Variants in RCHY1 observed in about 807,000 individuals in gnomAD.
RCHY1 encodes the protein RING finger and CHY zinc finger domain-containing protein 1.
Under a neutral mutation model 41.6 loss-of-function variants are expected in RCHY1, and 21 were observed. That is an observed-to-expected ratio of 0.51 (90% CI 0.36 to 0.73). The LOEUF is 0.73. Among genes scored for constraint, RCHY1 ranks in the 30% least tolerant of loss-of-function variants. The pLI is 0.00. For missense variants in RCHY1, 265 were observed against 325.3 expected, an observed-to-expected ratio of 0.81 and a Z score of 1.43; for synonymous variants, 79 against 102.9, an observed-to-expected ratio of 0.77 and a Z score of 1.41.
chr4:75,487,592 A>AATATATATATTCATATATATTCATAAT (rs374406012), intron 8 of RCHY1, among the ~76,000 whole-genome samples: 1 of 55,560 alleles, frequency 1.8e-5, no homozygotes, highest in East Asian at 4.7e-4. Flanking sequence ...ATATATTCAT[A>AATATATATATTCATATATATTCATAAT]ATATATATTC....
Position 75,514,319 on chromosome 4 carries a change from T to A in RCHY1, c.-33A>T. The A allele has an allele frequency of 6.3e-7, 1 of 1,597,054 alleles. No individual in the cohort carries two copies. The highest frequency in any genetic ancestry group is 8.6e-7 in the Non-Finnish European group (1 of 1,167,238). On this transcript the variant is annotated 5_prime_UTR_variant, in exon 1 of 9. In the 5' UTR this introduces an upstream ATG that the reference lacks. Coordinates refer to ENST00000324439, the MANE Select transcript of RCHY1 (RefSeq NM_015436.4). ...ACCTCCCCTCACATTCCACCGATCC[T>A]TCCCCCAGGATAAAAACCACGCCCA...
chr4:75,509,410 A>AAT (rs1392939542), intron 1 of RCHY1, 114 bp from the exon 2 acceptor site: 5 of 902,030 alleles, frequency 5.5e-6, no homozygotes, highest in Non-Finnish European at 8.4e-6. Context: ...GATTACAACC[A>AAT]ATAGATCAGT....
chr4:75,486,078 TCTTAG>T (rs1201244932), intron 8 of RCHY1, among the ~76,000 whole-genome samples: 1 of 152,160 alleles, frequency 6.6e-6, no homozygotes, highest in African/African-American at 2.4e-5. Context: ...TTCTTCCCTG[TCTTAG>T]CTTTGCCTCC....
At chr4:75,509,551 C>T in intron 1 of RCHY1, 1 of 348,946 alleles carries the variant, frequency 2.9e-6, no homozygotes, top group Non-Finnish European at 5.3e-6. Context: ...TGAAGGAAAT[C>T]CCTAGATTGA....
At position 75,509,297 on chromosome 4, in the gene RCHY1, C is replaced by A. The variant is rs1403386813; in HGVS notation, c.91-1G>T. 1.2e-6 allele frequency: 2 copies of A among 1,609,974 alleles called. No homozygotes were observed. Among genetic ancestry groups the A allele is most frequent in the Admixed American group, 3.4e-5 (2 of 58,824 alleles). On this transcript the variant is annotated splice_acceptor_variant, in intron 1 of 8. Coordinates refer to ENST00000324439, the MANE Select transcript of RCHY1 (RefSeq NM_015436.4). LOFTEE classifies it high-confidence loss of function. ...TATAAAGCTTGTCACAGCAAGGTGC[C>A]TAACACCCACGGAGAAAAAAGAGAT... is the stretch of plus-strand genomic sequence containing the variant.
rs1469200284 is a variant in RCHY1 at position 75,487,654 on chromosome 4, TAATA to T, written c.657+2923_657+2926del. On this transcript the variant is annotated intron_variant, in intron 8 of 8. Coordinates refer to ENST00000324439, the MANE Select transcript of RCHY1 (RefSeq NM_015436.4). Reference sequence around the variant, plus strand: ...TAATATATATATTCATATATATTCATAATATATATATTCATATATATTCATAATA... The same window carrying T: ...TAATATATATATTCATATATATTCATTATATATTCATATATATTCATAATA... Among the ~76,000 whole-genome samples, 2 of 53,168 alleles carry T rather than the reference TAATA, an allele frequency of 3.8e-5. 1 individual carries two copies. Among genetic ancestry groups the T allele is most frequent in the African/African-American group, 2.1e-4 (2 of 9,514 alleles). 34.9% of individuals were successfully genotyped at this position (53,168 alleles called of 152,430 possible).
At chr4:75,512,243 C>T (rs981736730) in intron 1 of RCHY1, among the ~76,000 whole-genome samples, 11 of 152,178 alleles carry the variant, frequency 7.2e-5, no homozygotes, top group Non-Finnish European at 1.5e-4. Flanking sequence ...ATGATCATTT[C>T]ACTTCTTCTC....
chr4:75,486,556 C>T (rs1365403155), intron 8 of RCHY1, among the ~76,000 whole-genome samples: 2 of 151,876 alleles, frequency 1.3e-5, no homozygotes, highest in African/African-American at 4.8e-5. Context: ...AAAATTACTT[C>T]CTAGGGTTTT....
intron 1 of RCHY1, among the ~76,000 whole-genome samples, chr4:75,511,256 A>C (rs749195011): frequency 3.3e-5 from 5 of 152,218 alleles, no homozygotes; most frequent in Non-Finnish European, 5.9e-5. Flanking sequence ...AAAAGTCTTT[A>C]GGTATTGAAG....
At position 75,482,533 on chromosome 4, in the gene RCHY1, G is replaced by T; in HGVS notation, c.*5C>A. On this transcript the variant is annotated 3_prime_UTR_variant, in exon 9 of 9. Transcript: ENST00000324439. ...TGCCAAGTTCTCCAGTACTGTGTAG[G>T]CTCGTCATTGCTGATCCAGTGAAAT... 1.9e-6 allele frequency: 3 copies of T among 1,594,060 alleles called. No homozygotes were observed. Among genetic ancestry groups the T allele is most frequent in the Non-Finnish European group, 2.6e-6 (3 of 1,169,684 alleles).
rs954495509 is a variant in RCHY1 at position 75,487,125 on chromosome 4, G to A, written c.657+3456C>T. 3.3e-5 allele frequency among the ~76,000 whole-genome samples: 5 copies of A among 151,998 alleles called. No homozygotes were observed. The East Asian group carries it at 5.8e-4, about 18-fold the overall frequency. On this transcript the variant is annotated intron_variant, in intron 8 of 8. Coordinates refer to ENST00000324439, the MANE Select transcript of RCHY1 (RefSeq NM_015436.4). ...TATAAAAGATTTATGGAAATCTTAC[G>A]TGGTAAAAAACTGACAGATTGGATG...
At chr4:75,484,553 T>C (rs966616563) in intron 8 of RCHY1, among the ~76,000 whole-genome samples, 24 of 152,016 alleles carry the variant, frequency 1.6e-4, no homozygotes, top group African/African-American at 5.1e-4. Flanking sequence ...CACATTTAAG[T>C]AGAGAAAAAT....
rs1721458209 is a variant in RCHY1 at position 75,480,708 on chromosome 4, A to G, written c.*1830T>C. ...TTTGGCAGAATAATACCAAACATAA[A>G]AAGTAATACATCTGGACCAAGCACA... On this transcript the variant is annotated 3_prime_UTR_variant, in exon 9 of 9. Transcript: ENST00000324439. 6.6e-6 allele frequency: 1 copy of G among 152,244 alleles called. No individual in the cohort carries two copies. The highest frequency in any genetic ancestry group is 1.5e-5 in the Non-Finnish European group (1 of 68,040). The allele number at this position is 152,244 out of a possible 1,614,324, so 9.4% of individuals were successfully genotyped here.
chr4:75,510,101 G>GT (rs1298817501), intron 1 of RCHY1, among the ~76,000 whole-genome samples: 4 of 152,132 alleles, frequency 2.6e-5, no homozygotes, highest in Non-Finnish European at 5.9e-5. Flanking sequence ...TGCAACAAAT[G>GT]TAAGAGACAG....
chr4:75,497,316 G>T (rs753908519), intron 3 of RCHY1, among the ~76,000 whole-genome samples: 1 of 152,098 alleles, frequency 6.6e-6, no homozygotes. Flanking sequence ...AACCTAACTG[G>T]ATGTGTTTAC....
At chr4:75,494,688 GTTGA>G (rs908179480) in intron 3 of RCHY1, among the ~76,000 whole-genome samples, 7 of 151,854 alleles carry the variant, frequency 4.6e-5, no homozygotes, top group Admixed American at 2.0e-4. Context: ...TAGTTCACAT[GTTGA>G]TTATTTTTTA....
intron 1 of RCHY1, among the ~76,000 whole-genome samples, chr4:75,511,755 G>A (rs905935767): frequency 6.6e-6 from 1 of 150,402 alleles, no homozygotes; most frequent in Non-Finnish European, 1.5e-5. Context: ...TTCAAGCTAA[G>A]ATACTAGCAA....
chr4:75,494,034 AT>A, intron 4 of RCHY1, 66 bp downstream of exon 4: 1 of 912,850 alleles, frequency 1.1e-6, no homozygotes. Context: ...TCCAAAACAT[AT>A]TAGAAGTTAA....
chr4:75,504,403 G>T (rs1405820964), intron 3 of RCHY1, among the ~76,000 whole-genome samples: 2 of 152,138 alleles, frequency 1.3e-5, no homozygotes, highest in African/African-American at 4.8e-5. Flanking sequence ...ACATGAAGAA[G>T]GATGAAGACC....
Sources: gnomAD v4.1 joint callset for allele counts (sites outside exome capture counted in the v4.1 genomes callset) on GRCh38, gnomAD v4.1.1 for gene constraint, MANE v1.5 for transcripts, NCBI Gene and HGNC (gene_info 2026-07-23, HGNC 2026-07-21) for gene names.